The following PRR5 variants were observed in gnomAD, a reference collection of about 807,000 sequenced individuals.
PRR5 encodes the protein proline-rich protein 5.
PRR5 carries 25 observed loss-of-function variants against 30.6 expected under a neutral mutation model. The ratio of observed to expected loss-of-function variants is 0.82; its 90% CI spans 0.60 to 1.14. PRR5 has a LOEUF of 1.14. PRR5 is among the 50% of genes most tolerant of loss of function. The pLI is 0.00. For missense variants in PRR5, 600 were observed against 547.1 expected (o/e 1.10, Z -0.96); for synonymous variants, 286 against 247.1 (o/e 1.16, Z -1.48).
At chr22:44,693,680 G>A (rs1454763845) in intron 1 of PRR5, among the ~76,000 whole-genome samples, 2 of 142,384 alleles carry the variant, frequency 1.4e-5, no homozygotes, top group Non-Finnish European at 3.0e-5. Context: ...CTGGAGTGCA[G>A]GCTCAGTGGC....
chr22:44,732,855 C>T (rs1569111677), intron 6 of PRR5, among the ~76,000 whole-genome samples: 1 of 132,102 alleles, frequency 7.6e-6, no homozygotes, highest in African/African-American at 3.1e-5. Context: ...CACACACGTG[C>T]ACACGCACAT....
rs540078662 is a variant in PRR5, at chr22:44,731,400, G to C, written c.323-330G>C. ...GCTCTCACTTGTGTGGGTCTGGTAT[G>C]TGACAAAGGCCTGGGAATTGGCAGC... On this transcript the variant is annotated intron_variant, in intron 4 of 7. Transcript: ENST00000336985. 5 of 429,396 alleles carry C rather than the reference G, an allele frequency of 1.2e-5. No individual in the cohort carries two copies. In the South Asian group the frequency reaches 1.2e-4, roughly 10 times the overall value. The allele number at this position is 429,396 out of a possible 1,614,324, so 26.6% of individuals were successfully genotyped here.
intron 1 of PRR5, among the ~76,000 whole-genome samples, chr22:44,671,208 G>C (rs375104975): frequency 2.6e-5 from 4 of 152,160 alleles, no homozygotes; most frequent in African/African-American, 9.7e-5. Flanking sequence ...GAGGGGGGCC[G>C]CAGGGGGCCA....
upstream of PRR5, among the ~76,000 whole-genome samples, chr22:44,698,327 G>C (rs1164454569): frequency 1.3e-5 from 2 of 149,936 alleles, no homozygotes; most frequent in African/African-American, 5.0e-5. Flanking sequence ...GAGCAGGGGT[G>C]GCTCTGGTGG....
At chr22:44,727,162 G>T (rs962767605) in intron 4 of PRR5, among the ~76,000 whole-genome samples, 3 of 151,964 alleles carry the variant, frequency 2.0e-5, no homozygotes, top group Non-Finnish European at 2.9e-5. Context: ...CATCAGGGGT[G>T]GGGGCGGGAC....
At chr22:44,731,187 G>A (rs548241423) in intron 4 of PRR5, 19 of 272,294 alleles carry the variant, frequency 7.0e-5, no homozygotes, top group East Asian at 3.1e-4. Flanking sequence ...GCATACCTGC[G>A]TGGGTCTCAC....
chr22:44,695,007 CT>C (rs1313854706), intron 1 of PRR5, among the ~76,000 whole-genome samples: 1 of 152,084 alleles, frequency 6.6e-6, no homozygotes, highest in Non-Finnish European at 1.5e-5. Context: ...CCCATCTCTA[CT>C]AAAAATACAA....
chr22:44,686,255 AAAAG>A (rs931765602), intron 1 of PRR5, among the ~76,000 whole-genome samples: 2 of 140,434 alleles, frequency 1.4e-5, no homozygotes, highest in Admixed American at 7.0e-5. Context: ...TCTCAAAACA[AAAAG>A]AAAAGAAAAA....
At chr22:44,715,333 G>A (rs1002024422) in intron 2 of PRR5, among the ~76,000 whole-genome samples, 2 of 152,172 alleles carry the variant, frequency 1.3e-5, no homozygotes, top group South Asian at 2.1e-4. Flanking sequence ...CTTTGGCCCT[G>A]ACCCTGTTAC....
intron 6 of PRR5, 136 bp downstream of exon 6, chr22:44,732,527 T>G: frequency 7.4e-7 from 1 of 1,351,572 alleles, no homozygotes; most frequent in Non-Finnish European, 9.9e-7. Context: ...GAGAAGCCTG[T>G]CAGGGCCAGG....
At chr22:44,732,822 T>C (rs867202714) in intron 6 of PRR5, among the ~76,000 whole-genome samples, 4,642 of 76,238 alleles carry the variant, frequency 0.061, 133 homozygotes, top group Admixed American at 0.14. Flanking sequence ...ACTACACGTG[T>C]GCACGCACAT....
chr22:44,733,222 G>T (rs555283528), intron 6 of PRR5, among the ~76,000 whole-genome samples: 1 of 152,212 alleles, frequency 6.6e-6, no homozygotes, highest in African/African-American at 2.4e-5. Context: ...GCAAGCCAGG[G>T]GTTTCTGCAC....
At chr22:44,672,313 G>A (rs1435243923), upstream of PRR5, among the ~76,000 whole-genome samples, 1 of 152,184 alleles carries the variant, frequency 6.6e-6, no homozygotes, top group Non-Finnish European at 1.5e-5. Context: ...GGCCGGGCAC[G>A]GTGGCTCATC....
upstream of PRR5, among the ~76,000 whole-genome samples, chr22:44,697,855 G>A (rs1474745343): frequency 2.0e-5 from 3 of 152,212 alleles, no homozygotes; most frequent in Non-Finnish European, 4.4e-5. Context: ...TTGTGGGGAC[G>A]AGTCGGGGCA....
intron 7 of PRR5, among the ~76,000 whole-genome samples, chr22:44,735,653 C>A (rs2269574): frequency 3.9e-5 from 6 of 152,040 alleles, no homozygotes; most frequent in Non-Finnish European, 1.5e-5. Context: ...AGCAATGTCC[C>A]TTGAGTACCT....
At chr22:44,711,927 C>T (rs965570910) in intron 1 of PRR5, among the ~76,000 whole-genome samples, 3 of 152,122 alleles carry the variant, frequency 2.0e-5, no homozygotes, top group Admixed American at 1.3e-4. Context: ...GGGTGGTTGC[C>T]GTTGGGGGAC....
At chr22:44,692,541 G>GCTCCTCCACCTGGCA (rs1014678160) in intron 1 of PRR5, among the ~76,000 whole-genome samples, 1 of 140,784 alleles carries the variant, frequency 7.1e-6, no homozygotes, top group African/African-American at 2.7e-5. Flanking sequence ...CCTCCCGGGG[G>GCTCCTCCACCTGGCA]CTCCTCCACC....
intron 1 of PRR5, among the ~76,000 whole-genome samples, chr22:44,681,005 T>C (rs1924232483): frequency 6.6e-6 from 1 of 152,224 alleles, no homozygotes; most frequent in African/African-American, 2.4e-5. Context: ...AGGGCCACGA[T>C]TGTCTGCCAG....
At position 44,737,110 on chromosome 22, in the gene PRR5, A is replaced by G; in HGVS notation, c.1030A>G (p.Ser344Gly). The change falls in exon 8 of 8, where the codon AGC (serine) becomes GGC (glycine). Residue 344 changes from serine (S) to glycine (G), a missense_variant. Physicochemically the swap from Ser to Gly is moderately conservative, Grantham distance 56. Coordinates refer to ENST00000336985, the MANE Select transcript of PRR5 (RefSeq NM_181333.4). ...DPTRSSLPRS[S>G]PENLVDQILE... ...CACCCGCAGCTCCCTGCCCCGCTCC[A>G]GCCCGGAGAACCTGGTGGACCAGAT... is the stretch of plus-strand genomic sequence containing the variant. The G allele has an allele frequency of 6.2e-7, 1 of 1,612,394 alleles. No homozygotes were observed. Among genetic ancestry groups the G allele is most frequent in the South Asian group, 1.1e-5 (1 of 91,084 alleles).
Sources: allele counts gnomAD v4.1 joint callset (sites outside exome capture counted in the v4.1 genomes callset), GRCh38; gene constraint gnomAD v4.1.1; transcripts MANE v1.5; gene names NCBI Gene and HGNC (gene_info 2026-07-23, HGNC 2026-07-21).